RBPJ: variants seen among roughly 807,000 people sequenced by gnomAD.
The protein encoded by RBPJ is recombination signal binding protein for immunoglobulin kappa J region.
In RBPJ, 9 loss-of-function variants were observed where a neutral mutation model predicts 67.8. The observed-to-expected ratio is 0.13, with a 90% CI of 0.08 to 0.23. RBPJ has a LOEUF of 0.23. Ranked by LOEUF, RBPJ falls within the 10% of genes least tolerant of loss-of-function variation. The pLI, the probability that RBPJ is intolerant of heterozygous loss-of-function variation, is 1.00. For missense variants in RBPJ, 305 were observed against 595.6 expected, an observed-to-expected ratio of 0.51 and a Z score of 5.08; for synonymous variants, 198 against 203.3, an observed-to-expected ratio of 0.97 and a Z score of 0.22.
Position 26,302,882 on chromosome 4 carries a change from T to C in RBPJ, c.-166-59564T>C, listed in dbSNP as rs759312402. On this transcript the variant is annotated intron_variant, in intron 1 of 4. Coordinates refer to the RBPJ transcript ENST00000512351. ...CTGAAAGGCTGAGGAATCTTATCCT[T>C]GTCAGAAACATAATCTGGCTGGGCG... Among the ~76,000 whole-genome samples the C allele has an allele frequency of 5.3e-5, 8 of 152,138 alleles. No homozygotes were observed. The East Asian group carries it at 1.3e-3, about 26-fold the overall frequency.
intron 1 of RBPJ, among the ~76,000 whole-genome samples, chr4:26,337,780 C>T (rs1455465692): frequency 1.4e-5 from 2 of 147,650 alleles, no homozygotes; most frequent in African/African-American, 2.5e-5. Flanking sequence ...TCAACTTCAT[C>T]GGCTCAGGCA....
At position 26,430,105 on chromosome 4, in the gene RBPJ, C is replaced by G. The variant is rs1160250684; in HGVS notation, c.1044+52C>G. 6.3e-7 allele frequency: 1 copy of G among 1,583,374 alleles called. No individual in the cohort carries two copies. The highest frequency in any genetic ancestry group is 1.1e-5 in the South Asian group (1 of 90,448). On this transcript the variant is annotated intron_variant, in intron 9 of 10. Transcript: ENST00000355476. The surrounding 1 kb of genome is among the most constrained non-coding windows in gnomAD (Gnocchi z 4.1). ...TTCAGCTCTTTGCAGCTACTCTCAG[C>G]TGTGACCTGGCATCATTTCATTTCA...
intron 1 of RBPJ, among the ~76,000 whole-genome samples, chr4:26,356,692 A>C (rs1727414963): frequency 6.6e-6 from 1 of 152,174 alleles, no homozygotes; most frequent in Admixed American, 6.5e-5. Context: ...TAGTTGTAAC[A>C]ATATATTTAG....
chr4:26,194,344 G>A (rs1054017118), intron 1 of RBPJ, among the ~76,000 whole-genome samples: 4 of 152,182 alleles, frequency 2.6e-5, no homozygotes, highest in East Asian at 1.9e-4. Context: ...ATATAAACAT[G>A]CACATGAGCA....
intron 1 of RBPJ, among the ~76,000 whole-genome samples, chr4:26,358,234 T>C (rs1727619414): frequency 6.6e-6 from 1 of 152,042 alleles, no homozygotes; most frequent in Non-Finnish European, 1.5e-5. Context: ...ATCATGACCA[T>C]TGGAAAAATA....
At chr4:26,361,963 G>T (rs897891355) in intron 1 of RBPJ, among the ~76,000 whole-genome samples, 5 of 152,170 alleles carry the variant, frequency 3.3e-5, no homozygotes, top group African/African-American at 7.2e-5. Context: ...GTAATCTTTA[G>T]AAACTGGAGC....
chr4:26,310,932 A>G (rs981311040), intron 1 of RBPJ, among the ~76,000 whole-genome samples: 2 of 152,122 alleles, frequency 1.3e-5, no homozygotes, highest in African/African-American at 2.4e-5. Flanking sequence ...AGCGTCCCCA[A>G]GTGCTGGGAT....
intron 1 of RBPJ, among the ~76,000 whole-genome samples, chr4:26,166,250 G>T (rs2109111794): frequency 1.5e-5 from 2 of 129,618 alleles, no homozygotes; most frequent in East Asian, 2.2e-4. Flanking sequence ...GGATGGCTGG[G>T]TCAAATGGTA....
the RBPJ span, among the ~76,000 whole-genome samples, chr4:26,120,311 G>A: frequency 6.6e-6 from 1 of 152,112 alleles, no homozygotes; most frequent in Non-Finnish European, 1.5e-5. Flanking sequence ...TTCAACTGAT[G>A]TTGACTTTCT....
At chr4:26,114,501 A>ATATATATATATATATATATG in the RBPJ span, among the ~76,000 whole-genome samples, 6 of 144,660 alleles carry the variant, frequency 4.1e-5, no homozygotes, top group African/African-American at 1.6e-4. Context: ...ATATATATGT[A>ATATATATATATATATATATG]TGTGTGTGTG....
At chr4:26,407,565 G>C (rs1011269730) in intron 3 of RBPJ, among the ~76,000 whole-genome samples, 2 of 152,110 alleles carry the variant, frequency 1.3e-5, no homozygotes, top group Non-Finnish European at 2.9e-5. Flanking sequence ...TCTTGAGTCT[G>C]TCTTTCAAAC....
chr4:26,309,638 T>G (rs1722359780), intron 1 of RBPJ, among the ~76,000 whole-genome samples: 1 of 152,212 alleles, frequency 6.6e-6, no homozygotes. Context: ...CACAGCTGCT[T>G]TTTTAAAACT....
chr4:26,253,553 C>T (rs570533391), intron 1 of RBPJ, among the ~76,000 whole-genome samples: 103 of 151,318 alleles, frequency 6.8e-4, no homozygotes, highest in African/African-American at 2.4e-3. Context: ...CCTCGTGATC[C>T]GCCCGCCTCG....
the RBPJ span, among the ~76,000 whole-genome samples, chr4:26,132,917 T>C: frequency 6.6e-6 from 1 of 152,256 alleles, no homozygotes; most frequent in South Asian, 2.1e-4. Flanking sequence ...TGCTCCATCA[T>C]AGGTGGGTTT....
At chr4:26,162,867 G>A (rs1172212212), upstream of RBPJ, among the ~76,000 whole-genome samples, 1 of 152,198 alleles carries the variant, frequency 6.6e-6, no homozygotes, top group Non-Finnish European at 1.5e-5. Flanking sequence ...GTGTCTGGAG[G>A]AAGAGCGGCA....
At chr4:26,372,096 C>G (rs1410996168) in intron 1 of RBPJ, among the ~76,000 whole-genome samples, 3 of 152,180 alleles carry the variant, frequency 2.0e-5, no homozygotes, top group Non-Finnish European at 4.4e-5. Context: ...TGTATTTTGT[C>G]TATTGCTGTC....
At chr4:26,419,818 A>G (rs1451019685) in intron 4 of RBPJ, among the ~76,000 whole-genome samples, 2 of 152,134 alleles carry the variant, frequency 1.3e-5, no homozygotes, top group Admixed American at 6.5e-5. Context: ...AAAGTGCTAT[A>G]TCTCTTTATC....
rs55831777 is a variant in RBPJ at position 26,210,720 on chromosome 4, T to TTTCCTTCTTTCCTTCTTTCTTTCC, written c.-167+47109_-167+47110insCTTCTTTCCTTCTTTCTTTCCTTC. 6.8e-4 allele frequency among the ~76,000 whole-genome samples: 48 copies of TTTCCTTCTTTCCTTCTTTCTTTCC among 70,914 alleles called. 3 individuals carry two copies. Among genetic ancestry groups the TTTCCTTCTTTCCTTCTTTCTTTCC allele is most frequent in the South Asian group, 3.9e-3 (6 of 1,548 alleles). 46.5% of individuals were successfully genotyped at this position (70,914 alleles called of 152,430 possible). ...CTTTCTTTCTTTCCTTCTTTCCTTCTTTCTTTCCTTCTTTACTTCTTTCCT... is the reference window on the plus strand; with the variant it reads ...CTTTCTTTCTTTCCTTCTTTCCTTCTTTCCTTCTTTCCTTCTTTCTTTCCTTCTTTCCTTCTTTACTTCTTTCCT... On this transcript the variant is annotated intron_variant, in intron 1 of 4. Coordinates refer to the RBPJ transcript ENST00000512351.
Position 26,255,415 on chromosome 4 carries a change from A to C in RBPJ, c.-167+91801A>C, listed in dbSNP as rs28528675. 5.6e-4 allele frequency among the ~76,000 whole-genome samples: 83 copies of C among 148,488 alleles called. 2 individuals carry two copies. Among genetic ancestry groups the C allele is most frequent in the African/African-American group, 2.0e-3 (81 of 39,898 alleles). ...CGAGACTCCGTCTCAAAAAAAAAAA[A>C]AAAAAAAAAAAGTAATGTCTAATGT... On this transcript the variant is annotated intron_variant, in intron 1 of 4. Coordinates refer to the RBPJ transcript ENST00000512351.
Sources: gnomAD v4.1 joint callset for allele counts (sites outside exome capture counted in the v4.1 genomes callset) on GRCh38, gnomAD v4.1.1 for gene constraint, Gnocchi (gnomAD v3.1) non-coding constraint, MANE v1.5 for transcripts, NCBI Gene and HGNC (gene_info 2026-07-23, HGNC 2026-07-21) for gene names.